The following DAB1 variants were observed in gnomAD, a reference collection of about 807,000 sequenced individuals.
DAB1 encodes disabled homolog 1.
DAB1 carries 15 observed loss-of-function variants against 64.6 expected under a neutral mutation model. The observed-to-expected ratio is 0.23, with a 90% CI of 0.16 to 0.36. The LOEUF (loss-of-function observed/expected upper bound fraction) is 0.36. DAB1 is among the 10% of genes least tolerant of loss of function. DAB1 has a pLI of 1.00. For missense variants in DAB1, 596 were observed against 706.7 expected (o/e 0.84, Z 1.78); for synonymous variants, 235 against 251.9 (o/e 0.93, Z 0.64).
intron 7 of DAB1, among the ~76,000 whole-genome samples, chr1:57,587,890 C>T (rs1645399503): frequency 6.6e-6 from 1 of 152,188 alleles, no homozygotes; most frequent in African/African-American, 2.4e-5. Flanking sequence ...ACAGAAGCCA[C>T]CATTAAGTCC....
chr1:57,186,217 C>A (rs1254210503), intron 2 of DAB1, among the ~76,000 whole-genome samples: 1 of 152,114 alleles, frequency 6.6e-6, no homozygotes, highest in Non-Finnish European at 1.5e-5. Flanking sequence ...AATGTAAATT[C>A]TCTCCAATAT....
At chr1:57,579,939 G>A (rs1265383159) in intron 7 of DAB1, among the ~76,000 whole-genome samples, 1 of 152,214 alleles carries the variant, frequency 6.6e-6, no homozygotes, top group Non-Finnish European at 1.5e-5. Flanking sequence ...ACTCAAAGAA[G>A]TGTCAGGGTT....
intron 4 of DAB1, among the ~76,000 whole-genome samples, chr1:58,274,851 G>A (rs953351063): frequency 2.4e-4 from 36 of 152,058 alleles, no homozygotes; most frequent in Admixed American, 1.0e-3. Context: ...GCAATGCCTC[G>A]CCCTGCTTCG....
In DAB1 at chr1:58,105,304, A is replaced by G. The variant is rs547708140; in HGVS notation, n.387+45207T>C. ...CTTGTTCAGTTAAAAGCAAGACCCC[A>G]TCTGTAAACACTCATCGGCACCCAT... On this transcript the variant is annotated intron_variant and non_coding_transcript_variant, in intron 5 of 20. Coordinates refer to the DAB1 transcript ENST00000485760. Among the ~76,000 whole-genome samples, 4 of 152,338 alleles carry G rather than the reference A, an allele frequency of 2.6e-5. No homozygotes were observed. The South Asian group carries it at 8.3e-4, about 32-fold the overall frequency.
At chr1:57,736,984 G>T (rs1376010604) in intron 6 of DAB1, among the ~76,000 whole-genome samples, 1 of 152,160 alleles carries the variant, frequency 6.6e-6, no homozygotes, top group Non-Finnish European at 1.5e-5. Flanking sequence ...GCAATAACAA[G>T]AGCTGGGAGC....
At chr1:57,098,104 G>A (rs1459328063) in intron 4 of DAB1, among the ~76,000 whole-genome samples, 1 of 152,152 alleles carries the variant, frequency 6.6e-6, no homozygotes, top group Non-Finnish European at 1.5e-5. Flanking sequence ...TTAATAAGCT[G>A]TTGAGTGTGA....
intron 7 of DAB1, among the ~76,000 whole-genome samples, chr1:57,606,627 A>AATATATAATATATT (rs1558535679): frequency 1.9e-4 from 10 of 52,012 alleles, no homozygotes; most frequent in African/African-American, 7.4e-4. Flanking sequence ...TAATATATGA[A>AATATATAATATATT]ATATATTATA....
At position 57,659,033 on chromosome 1, in the gene DAB1, C is replaced by T. The variant is rs1299039292; in HGVS notation, n.552-9368G>A. Among the ~76,000 whole-genome samples, 5 of 152,302 alleles carry T rather than the reference C, an allele frequency of 3.3e-5. No individual in the cohort carries two copies. In the East Asian group the frequency reaches 7.7e-4, roughly 24 times the overall value. ...CTTTAAGCAATATGAAACACCCTGT[C>T]TGTGGATCAAATTCCAGGGAGACTT... On this transcript the variant is annotated intron_variant and non_coding_transcript_variant, in intron 6 of 20. Transcript: ENST00000485760.
chr1:57,568,104 C>A (rs75647664), intron 7 of DAB1, among the ~76,000 whole-genome samples: 30,357 of 151,968 alleles, frequency 0.2, 3,390 homozygotes, highest in Non-Finnish European at 0.24. Flanking sequence ...CAGAACAGAG[C>A]CCTCAGAAAT....
At chr1:57,642,341 T>C (rs1443980392) in intron 7 of DAB1, among the ~76,000 whole-genome samples, 1 of 152,228 alleles carries the variant, frequency 6.6e-6, no homozygotes, top group Admixed American at 6.5e-5. Flanking sequence ...GCTGATTCCC[T>C]AGCCCTTAGG....
chr1:57,415,918 T>C (rs948886458), intron 1 of DAB1, among the ~76,000 whole-genome samples: 1 of 152,182 alleles, frequency 6.6e-6, no homozygotes, highest in African/African-American at 2.4e-5. Flanking sequence ...CTGCTGGGAT[T>C]TAACTGCTAC....
intron 4 of DAB1, among the ~76,000 whole-genome samples, chr1:57,134,148 T>C (rs539378826): frequency 6.6e-6 from 1 of 152,262 alleles, no homozygotes; most frequent in African/African-American, 2.4e-5. Context: ...CAGAAGGCAG[T>C]CCATTTAACT....
chr1:57,855,729 T>C (rs1260671191), intron 1 of DAB1, among the ~76,000 whole-genome samples: 1 of 152,110 alleles, frequency 6.6e-6, no homozygotes, highest in African/African-American at 2.4e-5. Context: ...AGCCAGACCA[T>C]GATAGTCTTG....
At chr1:58,052,676 A>T (rs888713480) in intron 5 of DAB1, among the ~76,000 whole-genome samples, 1 of 152,170 alleles carries the variant, frequency 6.6e-6, no homozygotes, top group East Asian at 1.9e-4. Context: ...TCCTATCCAT[A>T]AGCATGGAAT....
intron 1 of DAB1, among the ~76,000 whole-genome samples, chr1:57,851,712 C>A (rs1483215326): frequency 6.6e-6 from 1 of 152,218 alleles, no homozygotes. Context: ...CATTCTCTGG[C>A]TTCTGATGTT....
At position 57,739,525 on chromosome 1, in the gene DAB1, C is replaced by T. The variant is rs1039441002; in HGVS notation, n.552-89860G>A. The stretch of plus-strand genomic sequence containing the variant: ...GCAATGATGCAATCTCAACTCACTG[C>T]AACCTCCCCCTCCCAGGTTCAAGCG... On this transcript the variant is annotated intron_variant and non_coding_transcript_variant, in intron 6 of 20. Coordinates refer to the DAB1 transcript ENST00000485760. Among the ~76,000 whole-genome samples, 5 of 140,042 alleles carry T rather than the reference C, an allele frequency of 3.6e-5. No individual in the cohort carries two copies. The South Asian group carries it at 1.3e-3, about 36-fold the overall frequency. 91.9% of individuals were successfully genotyped at this position (140,042 alleles called of 152,430 possible). A position where few individuals can be genotyped will look rare whatever the true frequency, so the allele number is the denominator to read the frequency against.
intron 5 of DAB1, among the ~76,000 whole-genome samples, chr1:57,961,607 G>T (rs546118694): frequency 1.3e-5 from 2 of 152,314 alleles, no homozygotes; most frequent in South Asian, 2.1e-4. Flanking sequence ...AGTCCATAAA[G>T]AATTGTACTG....
At chr1:57,425,921 C>T (rs1685268278), upstream of DAB1, among the ~76,000 whole-genome samples, 2 of 152,174 alleles carry the variant, frequency 1.3e-5, no homozygotes, top group Non-Finnish European at 2.9e-5. Flanking sequence ...TTAAGATTAA[C>T]TTCAGTTTCT....
chr1:57,930,336 C>T (rs1340708627), intron 5 of DAB1, among the ~76,000 whole-genome samples: 3 of 152,130 alleles, frequency 2.0e-5, no homozygotes, highest in Admixed American at 6.5e-5. Flanking sequence ...ACTTTGTTCT[C>T]CACCAATATT....
Sources: gnomAD v4.1 joint callset for allele counts (sites outside exome capture counted in the v4.1 genomes callset) on GRCh38, gnomAD v4.1.1 for gene constraint, MANE v1.5 for transcripts, NCBI Gene and HGNC (gene_info 2026-07-23, HGNC 2026-07-21) for gene names.